Variants in CADM2 observed in about 807,000 individuals in gnomAD.
CADM2 encodes the protein cell adhesion molecule 2.
Under a neutral mutation model 49.8 loss-of-function variants are expected in CADM2, and 12 were observed. That is an observed-to-expected ratio of 0.24 (90% CI 0.15 to 0.39). The LOEUF (loss-of-function observed/expected upper bound fraction) is 0.39, where lower values mean the gene tolerates loss of function less well. Among genes scored for constraint, CADM2 ranks in the 10% least tolerant of loss-of-function variants. The pLI is 1.00. For synonymous variants in CADM2, 214 were observed against 175.4 expected (o/e 1.22, Z -1.74); for missense variants, 378 against 492.3 (o/e 0.77, Z 2.20).
At chr3:85,699,547 G>A (rs1034387228) in intron 1 of CADM2, among the ~76,000 whole-genome samples, 2 of 152,232 alleles carry the variant, frequency 1.3e-5, no homozygotes, top group Non-Finnish European at 2.9e-5. Flanking sequence ...CATGGAAGCT[G>A]CCAGGGCTTA....
At chr3:85,059,100 G>A (rs2036202359) in intron 1 of CADM2, among the ~76,000 whole-genome samples, 1 of 151,882 alleles carries the variant, frequency 6.6e-6, no homozygotes. Context: ...TTAGCTGGGA[G>A]TGGTGGCAGG....
At chr3:85,304,919 G>A (rs1287314158) in intron 1 of CADM2, among the ~76,000 whole-genome samples, 1 of 151,622 alleles carries the variant, frequency 6.6e-6, no homozygotes, top group Non-Finnish European at 1.5e-5. Context: ...CTTGTCCAAT[G>A]TAGGTGATAA....
intron 1 of CADM2, among the ~76,000 whole-genome samples, chr3:85,270,193 A>T (rs2043209068): frequency 6.6e-6 from 1 of 151,394 alleles, no homozygotes; most frequent in African/African-American, 2.4e-5. Flanking sequence ...TCAGTCCTAT[A>T]GATGCACTCA....
At chr3:85,154,948 A>C (rs1373091124) in intron 1 of CADM2, among the ~76,000 whole-genome samples, 4 of 152,054 alleles carry the variant, frequency 2.6e-5, no homozygotes, top group Non-Finnish European at 5.9e-5. Flanking sequence ...AGTGCTAAAC[A>C]TGGAAAGGAA....
rs1332790877 is a variant in CADM2 at position 86,059,677 on chromosome 3, A to C, written c.971-5928A>C. 2.0e-5 allele frequency among the ~76,000 whole-genome samples: 3 copies of C among 152,194 alleles called. No homozygotes were observed. The South Asian group carries it at 6.2e-4, about 31-fold the overall frequency. On this transcript the variant is annotated intron_variant, in intron 8 of 9. Transcript: ENST00000383699. ...AGCTCTCTGTTAAGAAATTTCAGAA[A>C]GCTTTACTTCGTCTTTTTATTGCTA...
intron 1 of CADM2, among the ~76,000 whole-genome samples, chr3:85,226,223 T>C (rs542801600): frequency 3.3e-5 from 5 of 151,810 alleles, no homozygotes; most frequent in African/African-American, 1.2e-4. Context: ...TCTAATAGAA[T>C]TTGGCTATGA....
chr3:85,033,946 T>C (rs2035096620), intron 1 of CADM2, among the ~76,000 whole-genome samples: 1 of 152,172 alleles, frequency 6.6e-6, no homozygotes, highest in African/African-American at 2.4e-5. Flanking sequence ...TATTGGTATT[T>C]CCAATATTTA....
At chr3:85,600,216 A>T (rs1331958014) in intron 1 of CADM2, among the ~76,000 whole-genome samples, 1 of 151,912 alleles carries the variant, frequency 6.6e-6, no homozygotes, top group East Asian at 1.9e-4. Context: ...CTGCCTCTCC[A>T]CAATAATCAT....
chr3:85,319,577 A>T (rs560890794), intron 1 of CADM2, among the ~76,000 whole-genome samples: 1 of 152,318 alleles, frequency 6.6e-6, no homozygotes, highest in South Asian at 2.1e-4. Context: ...GATAAAGAAA[A>T]TGTGGTACAT....
intron 1 of CADM2, among the ~76,000 whole-genome samples, chr3:84,994,537 C>T (rs140504588): frequency 1.7e-4 from 26 of 152,126 alleles, no homozygotes; most frequent in African/African-American, 6.3e-4. Flanking sequence ...ATTATAGACA[C>T]AAAATTTAGA....
At chr3:85,916,930 G>A (rs1718418668) in intron 6 of CADM2, among the ~76,000 whole-genome samples, 2 of 152,126 alleles carry the variant, frequency 1.3e-5, no homozygotes, top group South Asian at 4.1e-4. Flanking sequence ...CAGTGATGAT[G>A]AGCATTTTTT....
chr3:85,148,779 G>A (rs2039829496), intron 1 of CADM2, among the ~76,000 whole-genome samples: 1 of 152,056 alleles, frequency 6.6e-6, no homozygotes, highest in Non-Finnish European at 1.5e-5. Context: ...ATGTTCTTAA[G>A]AATATAAGGA....
intron 1 of CADM2, among the ~76,000 whole-genome samples, chr3:85,177,699 T>C (rs1452119): frequency 1 from 151,595 of 151,982 alleles, 75,607 homozygotes; most frequent in East Asian, 1. Flanking sequence ...CTACTTACAG[T>C]AAAATAACCC....
chr3:85,730,669 T>C (rs1258893878), intron 2 of CADM2, among the ~76,000 whole-genome samples: 1 of 152,098 alleles, frequency 6.6e-6, no homozygotes. Context: ...AAAATTTCTT[T>C]GTATAAAATA....
At chr3:85,041,340 G>A (rs1227257834) in intron 1 of CADM2, among the ~76,000 whole-genome samples, 1 of 151,946 alleles carries the variant, frequency 6.6e-6, no homozygotes, top group African/African-American at 2.4e-5. Flanking sequence ...TAAAAAATTC[G>A]CACAGTGAAC....
At position 86,071,440 on chromosome 3, in the gene CADM2, T is replaced by TAACA. The variant is rs1739859436; in HGVS notation, c.*4659_*4662dup. The TAACA allele has an allele frequency of 6.6e-6, 1 of 151,838 alleles. No individual in the cohort carries two copies. The highest frequency in any genetic ancestry group is 1.5e-5 in the Non-Finnish European group (1 of 67,828). The allele number at this position is 151,838 out of a possible 1,614,324, so 9.4% of individuals were successfully genotyped here. On this transcript the variant is annotated 3_prime_UTR_variant, in exon 10 of 10. Transcript: ENST00000383699. ...AAAGAGAGTTAAAGGGGACAACATA[T>TAACA]AACAATGGGTTCTAAAATCATCAGC...
chr3:85,483,986 G>A (rs1450693194), intron 1 of CADM2, among the ~76,000 whole-genome samples: 1 of 151,606 alleles, frequency 6.6e-6, no homozygotes, highest in African/African-American at 2.4e-5. Flanking sequence ...TTGCTTTTAA[G>A]CTATTCAATG....
chr3:85,957,290 A>G (rs1373711252), intron 7 of CADM2, among the ~76,000 whole-genome samples: 3 of 151,724 alleles, frequency 2.0e-5, no homozygotes, highest in Non-Finnish European at 4.4e-5. Flanking sequence ...TTGTCTATCT[A>G]ATTGAACGAT....
At chr3:85,277,876 A>G (rs886560690) in intron 1 of CADM2, among the ~76,000 whole-genome samples, 3 of 151,320 alleles carry the variant, frequency 2.0e-5, no homozygotes, top group African/African-American at 7.3e-5. Context: ...ATAACTCTGA[A>G]TCTAAACTTT....
Sources: allele counts gnomAD v4.1 joint callset (sites outside exome capture counted in the v4.1 genomes callset), GRCh38; gene constraint gnomAD v4.1.1; transcripts MANE v1.5; gene names NCBI Gene and HGNC (gene_info 2026-07-23, HGNC 2026-07-21).